Variants in PDZRN4 observed in about 807,000 individuals in gnomAD.
The protein encoded by PDZRN4 is PDZ domain containing ring finger 4, also known as PDZ domain-containing RING finger protein 4.
In PDZRN4, 70 loss-of-function variants were observed where a neutral mutation model predicts 99.0. The ratio of observed to expected loss-of-function variants is 0.71; its 90% CI spans 0.58 to 0.86. The LOEUF (loss-of-function observed/expected upper bound fraction) is 0.86, where lower values mean the gene tolerates loss of function less well. Among genes scored for constraint, PDZRN4 ranks in the 40% least tolerant of loss-of-function variants. The pLI, the probability that PDZRN4 is intolerant of heterozygous loss-of-function variation, is 0.00. For missense variants in PDZRN4, 1,474 were observed against 1,331.2 expected, an observed-to-expected ratio of 1.11 and a Z score of -1.67; for synonymous variants, 551 against 501.6, an observed-to-expected ratio of 1.10 and a Z score of -1.32.
At chr12:41,211,782 T>A in intron 3 of PDZRN4, among the ~76,000 whole-genome samples, 1 of 152,008 alleles carries the variant, frequency 6.6e-6, no homozygotes, top group East Asian at 1.9e-4. Context: ...TTATACTAGC[T>A]AAAATAGAAA....
At chr12:41,495,873 T>C (rs1937990950) in intron 3 of PDZRN4, among the ~76,000 whole-genome samples, 1 of 152,072 alleles carries the variant, frequency 6.6e-6, no homozygotes, top group African/African-American at 2.4e-5. Context: ...TTTATAAAGT[T>C]TTTCATCTCA....
chr12:41,541,816 A>C (rs1938863458), intron 5 of PDZRN4, among the ~76,000 whole-genome samples: 1 of 152,168 alleles, frequency 6.6e-6, no homozygotes, highest in Non-Finnish European at 1.5e-5. Flanking sequence ...GCGAATGTTT[A>C]GACTTTGCTT....
chr12:41,509,921 C>T lies in PDZRN4; in HGVS notation c.1203+8C>T, dbSNP rs755198203. 3 of 1,312,724 alleles carry T rather than the reference C, an allele frequency of 2.3e-6. No homozygotes were observed. The highest frequency in any genetic ancestry group is 3.3e-6 in the Non-Finnish European group (3 of 918,888). 81.3% of individuals were successfully genotyped at this position (1,312,724 alleles called of 1,614,324 possible). On this transcript the variant is annotated splice_region_variant and intron_variant, in intron 5 of 9. Transcript: ENST00000402685. ...GAAGACTTTGAATATGAGGTAAGGT[C>T]ATTTTCATACCACTTCACATTTCTT...
intron 8 of PDZRN4, among the ~76,000 whole-genome samples, chr12:41,564,490 C>T (rs1255391312): frequency 6.6e-6 from 1 of 152,104 alleles, no homozygotes; most frequent in Non-Finnish European, 1.5e-5. Flanking sequence ...CATTTGTCTC[C>T]TCGGTTATTG....
intron 5 of PDZRN4, among the ~76,000 whole-genome samples, chr12:41,530,421 A>T (rs533776969): frequency 3.3e-4 from 50 of 152,318 alleles, no homozygotes; most frequent in Non-Finnish European, 6.0e-4. Flanking sequence ...AATTCTGAAC[A>T]AAGTTCCTAG....
chr12:41,278,525 T>C (rs977101655), intron 3 of PDZRN4, among the ~76,000 whole-genome samples: 3 of 152,224 alleles, frequency 2.0e-5, no homozygotes, highest in African/African-American at 4.8e-5. Flanking sequence ...TTATTTTTCC[T>C]TCCACTGTCC....
At chr12:41,491,316 A>G (rs1461436351) in intron 3 of PDZRN4, among the ~76,000 whole-genome samples, 1 of 152,098 alleles carries the variant, frequency 6.6e-6, no homozygotes, top group Non-Finnish European at 1.5e-5. Context: ...AGGTCAGGAA[A>G]TTGAGACCAT....
At chr12:41,308,653 T>G (rs1026457344) in intron 3 of PDZRN4, among the ~76,000 whole-genome samples, 4 of 152,194 alleles carry the variant, frequency 2.6e-5, no homozygotes, top group Admixed American at 6.6e-5. Context: ...ATGGCAAATG[T>G]CAAATAACCC....
intron 3 of PDZRN4, among the ~76,000 whole-genome samples, chr12:41,369,643 G>A (rs1952026054): frequency 6.6e-6 from 1 of 151,642 alleles, no homozygotes; most frequent in South Asian, 2.1e-4. Context: ...TTTAATTTCA[G>A]AATCTCTGTC....
chr12:41,330,446 T>G (rs575723669), intron 3 of PDZRN4, among the ~76,000 whole-genome samples: 52 of 145,808 alleles, frequency 3.6e-4, no homozygotes, highest in African/African-American at 1.3e-3. Context: ...GATATTAAAA[T>G]CAGTTTAAAT....
At chr12:41,485,374 C>T (rs1197931386) in intron 3 of PDZRN4, among the ~76,000 whole-genome samples, 9 of 152,164 alleles carry the variant, frequency 5.9e-5, no homozygotes, top group Non-Finnish European at 1.5e-5. Context: ...ACTAGCTATT[C>T]CTGTGTTTCA....
chr12:41,472,819 C>T (rs1953006152), intron 3 of PDZRN4, among the ~76,000 whole-genome samples: 3 of 152,172 alleles, frequency 2.0e-5, no homozygotes, highest in Admixed American at 2.0e-4. Flanking sequence ...AGGCATTGCC[C>T]TGCTAACTAG....
intron 5 of PDZRN4, among the ~76,000 whole-genome samples, chr12:41,535,653 G>A (rs1938736520): frequency 6.6e-6 from 1 of 152,188 alleles, no homozygotes; most frequent in Non-Finnish European, 1.5e-5. Context: ...CATGAGGGCT[G>A]TGTTCTCACA....
At chr12:41,362,255 G>A (rs1320715693) in intron 3 of PDZRN4, among the ~76,000 whole-genome samples, 3 of 151,882 alleles carry the variant, frequency 2.0e-5, no homozygotes, top group African/African-American at 7.3e-5. Flanking sequence ...TGCTTGCAAA[G>A]TGAAAATAAA....
intron 3 of PDZRN4, among the ~76,000 whole-genome samples, chr12:41,492,629 C>T (rs1937911122): frequency 6.6e-6 from 1 of 151,914 alleles, no homozygotes; most frequent in South Asian, 2.1e-4. Flanking sequence ...TCTAACTGTC[C>T]TAGCGTTTGT....
In PDZRN4 at chr12:41,383,193, T is replaced by G. The variant is rs372755706; in HGVS notation, c.844-123263T>G. Among the ~76,000 whole-genome samples, 3 of 152,174 alleles carry G rather than the reference T, an allele frequency of 2.0e-5. No individual in the cohort carries two copies. The East Asian group carries it at 5.8e-4, about 29-fold the overall frequency. ...GCTCTTTAGAGCACTGAATGAGGAC[T>G]TTGGCACCTAATTTGGAATTTTGGA... On this transcript the variant is annotated intron_variant, in intron 3 of 9. Transcript: ENST00000402685.
chr12:41,366,472 C>T (rs1952001327), intron 3 of PDZRN4, among the ~76,000 whole-genome samples: 1 of 152,076 alleles, frequency 6.6e-6, no homozygotes, highest in Non-Finnish European at 1.5e-5. Context: ...TGAGAAGTTC[C>T]TGGTAATTTT....
chr12:41,209,804 C>T (rs1166689957), intron 3 of PDZRN4, among the ~76,000 whole-genome samples: 1 of 149,158 alleles, frequency 6.7e-6, no homozygotes, highest in African/African-American at 2.5e-5. Flanking sequence ...CTGCAATAAA[C>T]ATACGTGTGC....
rs1045094121 is a variant in PDZRN4 at position 41,239,987 on chromosome 12, A to AT, written c.843+45806dup. Among the ~76,000 whole-genome samples the AT allele has an allele frequency of 3.5e-4, 53 of 152,134 alleles. 1 individual carries two copies. Among genetic ancestry groups the AT allele is most frequent in the African/African-American group, 1.2e-3 (49 of 41,426 alleles). On this transcript the variant is annotated intron_variant, in intron 3 of 9. Transcript: ENST00000402685. Reference sequence around the variant, plus strand: ...CTTTTTAGAGAGTTCTAATATGTGCATTTTTTTAAAGGCACATATTGCCCA... The same window carrying AT: ...CTTTTTAGAGAGTTCTAATATGTGCATTTTTTTTAAAGGCACATATTGCCCA...
Sources: allele counts gnomAD v4.1 joint callset (sites outside exome capture counted in the v4.1 genomes callset), GRCh38; gene constraint gnomAD v4.1.1; transcripts MANE v1.5; gene names NCBI Gene and HGNC (gene_info 2026-07-23, HGNC 2026-07-21).